Variants in RAPGEF2 observed in about 807,000 individuals in gnomAD.
RAPGEF2 encodes PDZ domain containing guanine nucleotide exchange factor (GEF) 1.
Under a neutral mutation model 186.7 loss-of-function variants are expected in RAPGEF2, and 54 were observed. That is an observed-to-expected ratio of 0.29 (90% CI 0.23 to 0.36). The LOEUF (loss-of-function observed/expected upper bound fraction) is 0.36, where lower values mean the gene tolerates loss of function less well. RAPGEF2 is among the 10% of genes least tolerant of loss of function. RAPGEF2 has a pLI of 1.00. For missense variants in RAPGEF2, 1,532 were observed against 2,045.0 expected, an observed-to-expected ratio of 0.75 and a Z score of 4.84; for synonymous variants, 712 against 705.9, an observed-to-expected ratio of 1.01 and a Z score of -0.14.
At chr4:159,204,939 G>A (rs1379748324) in intron 3 of RAPGEF2, among the ~76,000 whole-genome samples, 1 of 152,156 alleles carries the variant, frequency 6.6e-6, no homozygotes, top group African/African-American at 2.4e-5. Flanking sequence ...GAAATCCTCA[G>A]TCAGGGTTCT....
intron 28 of RAPGEF2, among the ~76,000 whole-genome samples, chr4:159,355,287 T>C (rs1039963194): frequency 6.6e-6 from 1 of 152,360 alleles, no homozygotes; most frequent in African/African-American, 2.4e-5. Flanking sequence ...TTAGAATTTT[T>C]AAATTGGTAT....
At chr4:159,338,208 C>CAA (rs568388629) in intron 17 of RAPGEF2, 103 bp from the exon 18 acceptor site, 30 of 931,616 alleles carry the variant, frequency 3.2e-5, no homozygotes, top group East Asian at 9.6e-5. Context: ...ACATGAGCTG[C>CAA]AAAAAAAAAA....
chr4:159,348,046 C>A (rs1229311891), intron 25 of RAPGEF2, among the ~76,000 whole-genome samples: 2 of 152,146 alleles, frequency 1.3e-5, no homozygotes, highest in Non-Finnish European at 2.9e-5. Flanking sequence ...CATGGGGAAA[C>A]CCCATCTTTA....
chr4:159,350,173 C>A lies in RAPGEF2; in HGVS notation c.3749C>A (p.Ser1250Tyr). 6.4e-7 allele frequency: 1 copy of A among 1,567,218 alleles called. No homozygotes were observed. Residue 1250 changes from serine (S) to tyrosine (Y), a missense_variant, in exon 26 of 30, where the codon TCT becomes TAT. Ser to Tyr is a moderately radical substitution (Grantham distance 144). This residue lies in a region of RAPGEF2 where 594 missense variants were observed against 608.5 expected (regional missense o/e 0.98). Coordinates refer to ENST00000691494, the MANE Select transcript of RAPGEF2 (RefSeq NM_001394067.2). ...NSPQALKKILSLSEEGSLERH... is the reference protein window; with the variant it reads ...NSPQALKKILYLSEEGSLERH... ...CCACAAGCTTTAAAAAAAATTCTTT[C>A]TTTGTCTGAAGAAGGAAGTTTGGAA...
chr4:159,244,544 G>A (rs117022872), intron 7 of RAPGEF2, among the ~76,000 whole-genome samples: 2,101 of 151,872 alleles, frequency 0.014, 18 homozygotes, highest in Middle Eastern at 0.068. Flanking sequence ...TACATTTGGG[G>A]TTATCCGGGA....
At chr4:159,352,153 A>C (rs1366065018) in intron 26 of RAPGEF2, among the ~76,000 whole-genome samples, 2 of 152,206 alleles carry the variant, frequency 1.3e-5, no homozygotes, top group Non-Finnish European at 2.9e-5. Flanking sequence ...ATATTGAAAA[A>C]CCAAATGGCA....
chr4:159,267,819 CT>C, intron 7 of RAPGEF2: 1 of 895,156 alleles, frequency 1.1e-6, no homozygotes, highest in East Asian at 1.2e-4. Flanking sequence ...CTCTCCTTTT[CT>C]TTTGCCTCTT....
intron 16 of RAPGEF2, 124 bp downstream of exon 16, chr4:159,332,158 C>T (rs1455875412): frequency 4.4e-6 from 3 of 677,768 alleles, no homozygotes; most frequent in Non-Finnish European, 7.3e-6. Flanking sequence ...ACTGACTTGA[C>T]CATAAAAAAT....
chr4:159,287,846 T>C (rs777948579), intron 7 of RAPGEF2, among the ~76,000 whole-genome samples: 3 of 152,172 alleles, frequency 2.0e-5, no homozygotes, highest in Non-Finnish European at 4.4e-5. Flanking sequence ...CCTCTCTTGA[T>C]ATCGGTTCCT....
chr4:159,221,935 A>G (rs1231896234), intron 4 of RAPGEF2, among the ~76,000 whole-genome samples: 1 of 152,282 alleles, frequency 6.6e-6, no homozygotes. Flanking sequence ...AGTTTTAAGT[A>G]TATTCTACTT....
At chr4:159,197,838 C>G (rs1325693486) in intron 3 of RAPGEF2, among the ~76,000 whole-genome samples, 1 of 152,210 alleles carries the variant, frequency 6.6e-6, no homozygotes, top group Non-Finnish European at 1.5e-5. Context: ...TTTCTGGTCT[C>G]AAACACCCTA....
At chr4:159,135,571 T>C (rs536691418) in intron 1 of RAPGEF2, among the ~76,000 whole-genome samples, 1 of 152,254 alleles carries the variant, frequency 6.6e-6, no homozygotes, top group African/African-American at 2.4e-5. Context: ...GTGAAGATCT[T>C]TTCAAATATT....
chr4:159,279,828 A>G (rs2110882345), intron 7 of RAPGEF2, among the ~76,000 whole-genome samples: 1 of 151,972 alleles, frequency 6.6e-6, no homozygotes, highest in African/African-American at 2.4e-5. Flanking sequence ...ACAGGTGCGT[A>G]TCACCACACC....
intron 1 of RAPGEF2, among the ~76,000 whole-genome samples, chr4:159,115,748 T>G (rs895338845): frequency 2.0e-5 from 3 of 152,156 alleles, no homozygotes; most frequent in Non-Finnish European, 2.9e-5. Context: ...CATAGACCAA[T>G]GGAACAGAAT....
At chr4:159,226,235 A>G (rs1752014426) in intron 4 of RAPGEF2, among the ~76,000 whole-genome samples, 1 of 152,186 alleles carries the variant, frequency 6.6e-6, no homozygotes, top group South Asian at 2.1e-4. Flanking sequence ...TATTGAAAAA[A>G]GTATCTTCAA....
Position 159,198,367 on chromosome 4 carries a change from TTTTC to T in RAPGEF2, c.197+5120_197+5123del, listed in dbSNP as rs1303658331. On this transcript the variant is annotated intron_variant, in intron 3 of 29. Transcript: ENST00000691494. ...TTCTCTCTCTTTCCTTCCTTCCTTT[TTTTC>T]TTTCTTTCCTTCCTTCCTTCCTTCC... 2.4e-5 allele frequency among the ~76,000 whole-genome samples: 3 copies of T among 123,412 alleles called. 1 individual carries two copies. The highest frequency in any genetic ancestry group is 5.9e-5 in the African/African-American group (2 of 33,688). The allele number at this position is 123,412 out of a possible 152,430, so 81.0% of individuals were successfully genotyped here.
intron 3 of RAPGEF2, among the ~76,000 whole-genome samples, chr4:159,203,666 C>T (rs760463516): frequency 3.3e-5 from 5 of 151,998 alleles, no homozygotes; most frequent in Non-Finnish European, 5.9e-5. Context: ...GTGGCCTGGC[C>T]GAACAGGATG....
chr4:159,177,307 A>C (rs767707804), intron 1 of RAPGEF2, among the ~76,000 whole-genome samples: 3 of 152,040 alleles, frequency 2.0e-5, no homozygotes, highest in Non-Finnish European at 4.4e-5. Flanking sequence ...GAATATTTTA[A>C]ATTTTATATT....
At chr4:159,344,952 G>C (rs1447443396) in intron 23 of RAPGEF2, among the ~76,000 whole-genome samples, 154 bp from the exon 24 acceptor site, 1 of 152,110 alleles carries the variant, frequency 6.6e-6, no homozygotes, top group Non-Finnish European at 1.5e-5. Context: ...TTTAAAATCT[G>C]TATTATTCTA....
Sources: gnomAD v4.1 joint callset for allele counts (sites outside exome capture counted in the v4.1 genomes callset) on GRCh38, gnomAD v4.1.1 for gene constraint, gnomAD v4.1.1 regional missense constraint, MANE v1.5 for transcripts, NCBI Gene and HGNC (gene_info 2026-07-23, HGNC 2026-07-21) for gene names.